AMOTL1: variants seen among roughly 807,000 people sequenced by gnomAD.
AMOTL1 encodes the protein angiomotin like 1.
A neutral mutation model predicts 102.9 loss-of-function variants in AMOTL1; 45 were observed. The observed-to-expected ratio is 0.44, with a 90% confidence interval of 0.34 to 0.56. The LOEUF (loss-of-function observed/expected upper bound fraction) is 0.56. AMOTL1 is among the 20% of genes least tolerant of loss of function. AMOTL1 has a pLI of 0.01. For missense variants in AMOTL1, 1,114 were observed against 1,225.6 expected (o/e 0.91, Z 1.36); for synonymous variants, 481 against 484.7 (o/e 0.99, Z 0.10).
chr11:94,821,876 G>A (rs2135631367), intron 4 of AMOTL1, 55 bp downstream of exon 4: 1 of 1,586,388 alleles, frequency 6.3e-7, no homozygotes. Flanking sequence ...CTGGTCATGG[G>A]GAGTTGATGC....
At chr11:94,741,830 G>T (rs1186571010) in intron 3 of AMOTL1, among the ~76,000 whole-genome samples, 1 of 152,062 alleles carries the variant, frequency 6.6e-6, no homozygotes, top group East Asian at 1.9e-4. Flanking sequence ...TTCCTAAGAT[G>T]AAATGAAAGG....
intron 8 of AMOTL1, among the ~76,000 whole-genome samples, chr11:94,854,836 G>A (rs1952627445): frequency 6.6e-6 from 1 of 152,152 alleles, no homozygotes; most frequent in African/African-American, 2.4e-5. Context: ...AAGTAAAGGA[G>A]AGGAAGGGAT....
At chr11:94,721,933 A>G (rs1325315223) in intron 1 of AMOTL1, among the ~76,000 whole-genome samples, 3 of 152,118 alleles carry the variant, frequency 2.0e-5, no homozygotes, top group Non-Finnish European at 4.4e-5. Flanking sequence ...GGCCCATGTC[A>G]ATATCCTATT....
intron 3 of AMOTL1, among the ~76,000 whole-genome samples, chr11:94,802,544 C>T (rs543511519): frequency 1.3e-5 from 2 of 152,250 alleles, no homozygotes; most frequent in South Asian, 4.1e-4. Flanking sequence ...GAGGGGAACA[C>T]TTTTGGAGGT....
intron 1 of AMOTL1, among the ~76,000 whole-genome samples, chr11:94,783,482 CG>C (rs779110165): frequency 2.0e-5 from 3 of 152,120 alleles, no homozygotes; most frequent in Non-Finnish European, 4.4e-5. Context: ...AAATTGTACA[CG>C]AAATATATGT....
intron 6 of AMOTL1, among the ~76,000 whole-genome samples, chr11:94,840,681 T>TATATATATATATATATACACACACAC (rs1166713705): frequency 9.5e-6 from 1 of 104,784 alleles, no homozygotes; most frequent in African/African-American, 4.0e-5. Context: ...TATATATATA[T>TATATATATATATATATACACACACAC]ACACACACAC....
chr11:94,732,425 C>G (rs1169774557), intron 2 of AMOTL1, among the ~76,000 whole-genome samples: 5 of 152,202 alleles, frequency 3.3e-5, no homozygotes, highest in Non-Finnish European at 2.9e-5. Context: ...AAGGGAAGTC[C>G]CTCTTCCACT....
At chr11:94,815,640 A>G (rs568012140) in intron 3 of AMOTL1, among the ~76,000 whole-genome samples, 1 of 152,250 alleles carries the variant, frequency 6.6e-6, no homozygotes, top group African/African-American at 2.4e-5. Context: ...TCTTATTTAA[A>G]GGAAAATAAT....
chr11:94,709,715 A>G (rs185097280), intron 1 of AMOTL1, among the ~76,000 whole-genome samples: 43 of 152,310 alleles, frequency 2.8e-4, no homozygotes, highest in Non-Finnish European at 1.5e-5. Context: ...GAGACCCTGA[A>G]TAAGAACCAC....
intron 8 of AMOTL1, among the ~76,000 whole-genome samples, chr11:94,857,006 T>C (rs912629930): frequency 3.9e-5 from 6 of 152,098 alleles, no homozygotes; most frequent in Admixed American, 2.0e-4. Flanking sequence ...GCTGGTACGC[T>C]GAGGATGAGC....
intron 1 of AMOTL1, among the ~76,000 whole-genome samples, chr11:94,728,451 T>C (rs543902219): frequency 7.9e-5 from 12 of 152,294 alleles, no homozygotes; most frequent in Admixed American, 6.5e-4. Context: ...ACAAAAGCAA[T>C]ACATGTTCAT....
intron 6 of AMOTL1, among the ~76,000 whole-genome samples, chr11:94,837,900 AGATG>A (rs916938196): frequency 1.4e-4 from 21 of 152,384 alleles, no homozygotes; most frequent in African/African-American, 4.8e-4. Flanking sequence ...ATAGTCAGAT[AGATG>A]GATGGAGTAA....
At chr11:94,831,570 AGTTT>A in intron 6 of AMOTL1, 29 bp downstream of exon 6, 1 of 1,587,364 alleles carries the variant, frequency 6.3e-7, no homozygotes, top group Non-Finnish European at 8.6e-7. Flanking sequence ...ATTATCCCAA[AGTTT>A]GTTTGTTTAA....
At chr11:94,801,535 A>G (rs545553303) in intron 3 of AMOTL1, among the ~76,000 whole-genome samples, 4 of 152,272 alleles carry the variant, frequency 2.6e-5, no homozygotes, top group Admixed American at 6.5e-5. Flanking sequence ...GTGGCAGTGC[A>G]TGAATTAGAG....
chr11:94,727,952 G>T (rs1591900408), intron 1 of AMOTL1, among the ~76,000 whole-genome samples: 5 of 152,294 alleles, frequency 3.3e-5, no homozygotes, highest in Admixed American at 6.5e-5. Flanking sequence ...AGTCTGGCAG[G>T]CAATGCAGGA....
intron 6 of AMOTL1, among the ~76,000 whole-genome samples, chr11:94,835,569 T>C (rs149185838): frequency 6.6e-6 from 1 of 152,348 alleles, no homozygotes; most frequent in African/African-American, 2.4e-5. Context: ...TTCATTTTAT[T>C]GGGGTTTTTA....
chr11:94,813,240 C>G (rs1217808392), intron 3 of AMOTL1, among the ~76,000 whole-genome samples: 2 of 152,222 alleles, frequency 1.3e-5, no homozygotes, highest in African/African-American at 4.8e-5. Flanking sequence ...GCCCTCCCTA[C>G]ATGGATACGC....
chr11:94,737,913 T>C (rs957998415), intron 2 of AMOTL1, among the ~76,000 whole-genome samples: 4 of 152,228 alleles, frequency 2.6e-5, no homozygotes, highest in Non-Finnish European at 4.4e-5. Flanking sequence ...ATTATTTTAA[T>C]GAATTTTGTT....
chr11:94,822,540 C>T (rs763582638), intron 4 of AMOTL1, among the ~76,000 whole-genome samples: 49 of 152,110 alleles, frequency 3.2e-4, no homozygotes, highest in Non-Finnish European at 6.8e-4. Flanking sequence ...TTTCATTAGC[C>T]GGTCTCTGCA....
Sources: allele counts gnomAD v4.1 joint callset (sites outside exome capture counted in the v4.1 genomes callset), GRCh38; gene constraint gnomAD v4.1.1; transcripts MANE v1.5; gene names NCBI Gene and HGNC (gene_info 2026-07-23, HGNC 2026-07-21).